PCDHA1: variants seen among roughly 807,000 people sequenced by gnomAD.
The protein encoded by PCDHA1 is protocadherin alpha 1, also known as protocadherin alpha-1.
PCDHA1 carries 42 observed loss-of-function variants against 61.3 expected under a neutral mutation model. The observed-to-expected ratio is 0.69, with a 90% CI of 0.54 to 0.89. PCDHA1 has a LOEUF of 0.89. Ranked by LOEUF, PCDHA1 falls within the 40% of genes least tolerant of loss-of-function variation. The probability of loss-of-function intolerance (pLI) is 0.00; values close to 1 mark genes in which losing one functional copy is unlikely to be tolerated. For synonymous variants in PCDHA1, 610 were observed against 553.8 expected (o/e 1.10, Z -1.43); for missense variants, 1,256 against 1,235.3 (o/e 1.02, Z -0.25).
chr5:140,921,631 T>A (rs1435281144), intron 1 of PCDHA1, among the ~76,000 whole-genome samples: 1 of 152,206 alleles, frequency 6.6e-6, no homozygotes, highest in East Asian at 1.9e-4. Flanking sequence ...ATCATCATTA[T>A]GGTAGCTATT....
rs189901944 is a variant in PCDHA1, at chr5:140,916,206, G to A, written c.2395-62743G>A. 4.6e-3 allele frequency among the ~76,000 whole-genome samples: 705 copies of A among 152,282 alleles called. 3 individuals carry two copies. The highest frequency in any genetic ancestry group is 0.016 in the African/African-American group (682 of 41,562). ...AGGAAGTGGGCACCCCTCTGCCCTG[G>A]GGAAGATCCAAATATGCTTTCCAGG... On this transcript the variant is annotated intron_variant, in intron 1 of 3. Transcript: ENST00000504120.
At chr5:140,821,891 A>G in intron 1 of PCDHA1, 1 of 1,614,232 alleles carries the variant, frequency 6.2e-7, no homozygotes, top group Non-Finnish European at 8.5e-7. Flanking sequence ...GAGGAAGCCA[A>G]ACACGGAACC....
chr5:140,803,024 T>G, intron 1 of PCDHA1: 2 of 1,614,026 alleles, frequency 1.2e-6, no homozygotes, highest in East Asian at 2.2e-5. Flanking sequence ...GGCTTTCGTA[T>G]GAGCTGCAGC....
At position 140,850,250 on chromosome 5, in the gene PCDHA1, G is replaced by C; in HGVS notation, c.2394+61566G>C. Reference sequence around the variant, plus strand: ...TGAGCGAGATGGTGCTGCGGTCGGTGGGCGCCGGCGTAGTGGTGGGGAAGG... The same window carrying C: ...TGAGCGAGATGGTGCTGCGGTCGGTCGGCGCCGGCGTAGTGGTGGGGAAGG... On this transcript the variant is annotated intron_variant, in intron 1 of 3. Transcript: ENST00000504120. The C allele has an allele frequency of 1.9e-6, 3 of 1,594,024 alleles. 1 individual carries two copies. Among genetic ancestry groups the C allele is most frequent in the Non-Finnish European group, 2.6e-6 (3 of 1,167,182 alleles).
intron 1 of PCDHA1, among the ~76,000 whole-genome samples, chr5:140,938,925 CT>C (rs1316558463): frequency 2.0e-5 from 3 of 151,992 alleles, no homozygotes; most frequent in African/African-American, 7.2e-5. Flanking sequence ...AAGAAATTGG[CT>C]TTTAACTTTC....
intron 1 of PCDHA1, chr5:140,830,654 A>G (rs1554132964): frequency 4.6e-6 from 2 of 436,460 alleles, no homozygotes; most frequent in East Asian, 4.6e-5. Context: ...TTTAATATTC[A>G]TAATTTAAGT....
intron 1 of PCDHA1, chr5:140,877,782 G>A (rs1389004100): frequency 6.2e-7 from 1 of 1,614,036 alleles, no homozygotes; most frequent in Non-Finnish European, 8.5e-7. Context: ...CGGACCTCAT[G>A]GCCTTCAGCC....
chr5:140,817,252 T>A (rs1766096602), intron 1 of PCDHA1: 1 of 152,374 alleles, frequency 6.6e-6, no homozygotes, highest in African/African-American at 2.4e-5. Context: ...GAGCTGGGAA[T>A]TTCCCCCTGT....
rs181226204 is a variant in PCDHA1 at position 140,840,969 on chromosome 5, A to C, written c.2394+52285A>C. On this transcript the variant is annotated intron_variant, in intron 1 of 3. Transcript: ENST00000504120. ...TTGGGAAGAAATTCCTTTCCTTATG[A>C]AGAAGAAATCCCTAGCTGAAACTAA... 5.9e-5 allele frequency among the ~76,000 whole-genome samples: 9 copies of C among 152,188 alleles called. No individual in the cohort carries two copies. The East Asian group carries it at 1.7e-3, about 29-fold the overall frequency.
chr5:140,993,001 TC>T (rs1554253322), intron 3 of PCDHA1, among the ~76,000 whole-genome samples: 4 of 152,124 alleles, frequency 2.6e-5, no homozygotes, highest in Admixed American at 2.6e-4. Context: ...TGAAAGAGCC[TC>T]CCCAGAGTCC....
chr5:140,796,078 A>G, intron 1 of PCDHA1: 1 of 1,614,178 alleles, frequency 6.2e-7, no homozygotes, highest in Non-Finnish European at 8.5e-7. Context: ...CATTGCTCTC[A>G]TCACGGTGTC....
chr5:140,807,593 A>G, intron 1 of PCDHA1: 5 of 1,614,166 alleles, frequency 3.1e-6, no homozygotes, highest in Admixed American at 1.7e-5. Context: ...GTTCCCAGCA[A>G]CACAAAAGAA....
At chr5:140,841,791 C>A in intron 1 of PCDHA1, 1 of 1,613,854 alleles carries the variant, frequency 6.2e-7, no homozygotes, top group Non-Finnish European at 8.5e-7. Flanking sequence ...CTAGAGGGCG[C>A]GTCCGATGCA....
intron 1 of PCDHA1, among the ~76,000 whole-genome samples, chr5:140,910,407 C>T (rs781871391): frequency 6.6e-6 from 1 of 152,134 alleles, no homozygotes; most frequent in Non-Finnish European, 1.5e-5. Context: ...CCTGCCACCT[C>T]GAGATCCAAT....
In PCDHA1 at chr5:140,857,536, G is replaced by A. The variant is rs782533924; in HGVS notation, c.2394+68852G>A. The A allele has an allele frequency of 2.5e-6, 4 of 1,597,412 alleles. No homozygotes were observed. In the South Asian group the frequency reaches 4.4e-5, roughly 18 times the overall value. ...TGGTGTCCTACTCTCTGGTGGAGCG[G>A]CGGTTGGGCGAGCGCTCGCTGTCGA... On this transcript the variant is annotated intron_variant, in intron 1 of 3. Coordinates refer to ENST00000504120, the MANE Select transcript of PCDHA1 (RefSeq NM_018900.4).
intron 1 of PCDHA1, chr5:140,869,583 T>G: frequency 6.2e-7 from 1 of 1,614,152 alleles, no homozygotes; most frequent in Non-Finnish European, 8.5e-7. Flanking sequence ...CTTCTGATGC[T>G]GACATTGAAG....
chr5:141,008,678 G>C (rs1463545809), intron 3 of PCDHA1, among the ~76,000 whole-genome samples: 1 of 152,112 alleles, frequency 6.6e-6, no homozygotes, highest in Non-Finnish European at 1.5e-5. Flanking sequence ...ATATACTTTA[G>C]TTATTGCATG....
chr5:140,997,107 C>T (rs1346636277), intron 3 of PCDHA1, among the ~76,000 whole-genome samples: 3 of 152,094 alleles, frequency 2.0e-5, no homozygotes, highest in African/African-American at 7.2e-5. Flanking sequence ...TCATGCACTC[C>T]TGCTCTCCCA....
In PCDHA1 at chr5:140,787,313, G is replaced by A; in HGVS notation, c.1023G>A (p.Leu341=). The A allele has an allele frequency of 6.2e-7, 1 of 1,614,208 alleles. No homozygotes were observed. The highest frequency in any genetic ancestry group is 8.5e-7 in the Non-Finnish European group (1 of 1,180,020). ...ACTGTAAGGTTTTGGTGAAAGTGCT[G>A]GATGTAAATGATAATGCTCCAGAAC... ...SNHCKVLVKV[L]DVNDNAPELA... Residue 341 remains leucine, a synonymous_variant, in exon 1 of 4, where the codon CTG becomes CTA. Transcript: ENST00000504120.
Sources: allele counts gnomAD v4.1 joint callset (sites outside exome capture counted in the v4.1 genomes callset), GRCh38; gene constraint gnomAD v4.1.1; transcripts MANE v1.5; gene names NCBI Gene and HGNC (gene_info 2026-07-23, HGNC 2026-07-21).